Variants in HNF4G observed in about 807,000 individuals in gnomAD.
HNF4G encodes hepatocyte nuclear factor 4-gamma.
Under a neutral mutation model 50.9 loss-of-function variants are expected in HNF4G, and 21 were observed. The observed-to-expected ratio is 0.41, with a 90% CI of 0.29 to 0.59. The LOEUF is 0.59. Among genes scored for constraint, HNF4G ranks in the 20% least tolerant of loss-of-function variants. The pLI is 0.26. For missense variants in HNF4G, 527 were observed against 559.4 expected (o/e 0.94, Z 0.58); for synonymous variants, 198 against 185.6 (o/e 1.07, Z -0.54).
chr8:75,439,536 C>A (rs897158987), intron 1 of HNF4G, among the ~76,000 whole-genome samples: 1 of 151,822 alleles, frequency 6.6e-6, no homozygotes, highest in Non-Finnish European at 1.5e-5. Flanking sequence ...TTGTATCTGG[C>A]ATTAAAAAAC....
intron 1 of HNF4G, among the ~76,000 whole-genome samples, chr8:75,417,121 G>GCACA (rs36033284): frequency 2.6e-5 from 4 of 151,338 alleles, no homozygotes; most frequent in Admixed American, 2.6e-4. Flanking sequence ...ACGCGTGTGC[G>GCACA]CACACACACA....
rs554654790 is a variant in HNF4G at position 75,511,614 on chromosome 8, C to A, written c.-24+21406C>A. On this transcript the variant is annotated intron_variant, in intron 2 of 10. Coordinates refer to the HNF4G transcript ENST00000354370. ...TTTTATTTATTTATTTTTTTTGAGA[C>A]GAAGTCTCGCTCTGTCGCCCAGGCT... is the stretch of plus-strand genomic sequence containing the variant. Among the ~76,000 whole-genome samples the A allele has an allele frequency of 2.0e-5, 3 of 152,270 alleles. No homozygotes were observed. In the East Asian group the frequency reaches 5.8e-4, roughly 29 times the overall value.
intron 2 of HNF4G, among the ~76,000 whole-genome samples, chr8:75,533,489 T>C (rs565757209): frequency 6.6e-6 from 1 of 151,988 alleles, no homozygotes; most frequent in Non-Finnish European, 1.5e-5. Flanking sequence ...CAATTCCAGG[T>C]TTCTTACTTG....
In HNF4G at chr8:75,493,625, T is replaced by A. The variant is rs187897243; in HGVS notation, c.-24+3417T>A. Among the ~76,000 whole-genome samples, 250 of 152,284 alleles carry A rather than the reference T, an allele frequency of 1.6e-3. 2 individuals carry two copies. The highest frequency in any genetic ancestry group is 5.3e-3 in the African/African-American group (220 of 41,582). The stretch of plus-strand genomic sequence containing the variant: ...TGTTTACTAATTGCATTTCTTTTTT[T>A]AAAAAAGTATATTTTTAAATTTTCT... On this transcript the variant is annotated intron_variant, in intron 2 of 10. Transcript: ENST00000354370.
At chr8:75,484,110 T>C (rs1456255782) in intron 1 of HNF4G, among the ~76,000 whole-genome samples, 5 of 152,184 alleles carry the variant, frequency 3.3e-5, no homozygotes, top group African/African-American at 1.2e-4. Flanking sequence ...AAATTGGCAA[T>C]ATATTTTCCT....
intron 1 of HNF4G, among the ~76,000 whole-genome samples, chr8:75,426,409 C>G (rs770816221): frequency 1.3e-5 from 2 of 152,160 alleles, no homozygotes; most frequent in Non-Finnish European, 2.9e-5. Context: ...TATAAATTAT[C>G]TCTTCTGGTC....
chr8:75,555,984 G>A lies in HNF4G; in HGVS notation c.648G>A (p.Val216=). 1.3e-6 allele frequency: 2 copies of A among 1,510,888 alleles called. No homozygotes were observed. Among genetic ancestry groups the A allele is most frequent in the South Asian group, 1.3e-5 (1 of 75,392 alleles). 93.6% of individuals were successfully genotyped at this position (1,510,888 alleles called of 1,614,324 possible). ...TAAACTGAGAATTTTTCATTAAGGT[G>A]GCACTGTTGAGAGCTCACGCAGGGG... The part of the protein sequence containing the change: ...AFCELPLDDQ[V]ALLRAHAGEH... Residue 216 remains valine (V), a splice_region_variant and synonymous_variant, in exon 6 of 10, where the codon GTG becomes GTA. Transcript: ENST00000396423.
intron 3 of HNF4G, 68 bp from the exon 4 acceptor site, chr8:75,551,320 C>A: frequency 2.3e-6 from 2 of 871,808 alleles, no homozygotes; most frequent in South Asian, 1.7e-5. Context: ...AAAAAAACTC[C>A]TTAAAATCTA....
chr8:75,488,118 C>A (rs189415372), intron 1 of HNF4G, among the ~76,000 whole-genome samples: 2 of 152,270 alleles, frequency 1.3e-5, no homozygotes, highest in Non-Finnish European at 2.9e-5. Context: ...GGGACACAGA[C>A]AAACCATATC....
chr8:75,559,904 TC>T (rs1807256783), intron 8 of HNF4G, among the ~76,000 whole-genome samples: 1 of 152,192 alleles, frequency 6.6e-6, no homozygotes, highest in Non-Finnish European at 1.5e-5. Context: ...TATTTTGCAT[TC>T]CAATCTAGAT....
chr8:75,544,106 G>A (rs1161870487), intron 2 of HNF4G, 127 bp downstream of exon 2: 24 of 765,428 alleles, frequency 3.1e-5, no homozygotes, highest in Middle Eastern at 7.3e-4. Context: ...TCTAAACTGC[G>A]GTACAAGTAA....
chr8:75,420,016 A>AT (rs1810740608), intron 1 of HNF4G, among the ~76,000 whole-genome samples: 1 of 152,046 alleles, frequency 6.6e-6, no homozygotes, highest in African/African-American at 2.4e-5. Flanking sequence ...CAACTGAAAT[A>AT]TTTTTTCGCT....
intron 2 of HNF4G, among the ~76,000 whole-genome samples, chr8:75,500,193 A>G (rs1203995976): frequency 1.3e-5 from 2 of 152,136 alleles, no homozygotes; most frequent in African/African-American, 4.8e-5. Context: ...ATGAAAACTC[A>G]ATCAAAAATG....
In HNF4G at chr8:75,454,692, GC is replaced by G. The variant is rs146274296; in HGVS notation, c.-143-35395del. 1.1e-3 allele frequency among the ~76,000 whole-genome samples: 172 copies of G among 152,156 alleles called. 2 individuals are homozygous for G. The East Asian group carries it at 0.032, about 29-fold the overall frequency. On this transcript the variant is annotated intron_variant, in intron 1 of 10. Transcript: ENST00000354370. ...TCTCTTAGAGTGGCCTTCTTAATTA[GC>G]CTACCCAAAATAACCCTAATCACTC... is the stretch of plus-strand genomic sequence containing the variant.
At chr8:75,458,865 A>AT (rs962909573) in intron 1 of HNF4G, among the ~76,000 whole-genome samples, 2 of 152,192 alleles carry the variant, frequency 1.3e-5, no homozygotes, top group African/African-American at 2.4e-5. Context: ...AATGACTTAT[A>AT]TTTTAACTGC....
chr8:75,448,714 G>A (rs1375228705), intron 1 of HNF4G, among the ~76,000 whole-genome samples: 1 of 151,638 alleles, frequency 6.6e-6, no homozygotes, highest in Non-Finnish European at 1.5e-5. Flanking sequence ...CACCTAAAAG[G>A]ACAACTATCT....
At chr8:75,434,028 A>G (rs1372878655) in intron 1 of HNF4G, among the ~76,000 whole-genome samples, 1 of 146,180 alleles carries the variant, frequency 6.8e-6, no homozygotes, top group African/African-American at 2.5e-5. Flanking sequence ...TTTTTGAGAC[A>G]AAGTCTCACT....
At chr8:75,454,346 T>C (rs1175207187) in intron 1 of HNF4G, among the ~76,000 whole-genome samples, 2 of 152,174 alleles carry the variant, frequency 1.3e-5, no homozygotes, top group East Asian at 3.9e-4. Context: ...TAGGTGATAC[T>C]GAGGGTTAAA....
chr8:75,535,750 T>C (rs893999390), upstream of HNF4G, among the ~76,000 whole-genome samples: 8 of 151,956 alleles, frequency 5.3e-5, no homozygotes, highest in African/African-American at 1.9e-4. Context: ...ACCCTTATTT[T>C]ATTAGCTTGC....
Sources: gnomAD v4.1 joint callset for allele counts (sites outside exome capture counted in the v4.1 genomes callset) on GRCh38, gnomAD v4.1.1 for gene constraint, MANE v1.5 for transcripts, NCBI Gene and HGNC (gene_info 2026-07-23, HGNC 2026-07-21) for gene names.